Variants in MAGI2 observed in about 807,000 individuals in gnomAD.
The protein encoded by MAGI2 is membrane associated guanylate kinase, WW and PDZ domain containing 2, also known as membrane-associated guanylate kinase, WW and PDZ domain-containing protein 2.
Under a neutral mutation model 133.3 loss-of-function variants are expected in MAGI2, and 35 were observed. The ratio of observed to expected loss-of-function variants is 0.26; its 90% CI spans 0.20 to 0.35. The LOEUF is 0.35. Among genes scored for constraint, MAGI2 ranks in the 10% least tolerant of loss-of-function variants. The pLI, the probability that MAGI2 is intolerant of heterozygous loss-of-function variation, is 1.00. For missense variants in MAGI2, 1,636 were observed against 1,863.4 expected (o/e 0.88, Z 2.25); for synonymous variants, 729 against 710.6 (o/e 1.03, Z -0.41).
intron 3 of MAGI2, among the ~76,000 whole-genome samples, chr7:78,570,443 AG>A (rs1172451041): frequency 1.6e-4 from 25 of 152,286 alleles, no homozygotes; most frequent in African/African-American, 5.8e-4. Flanking sequence ...AAGAGAAGAG[AG>A]AAAGTAAGTT....
At chr7:78,469,557 A>T (rs530290816) in intron 6 of MAGI2, among the ~76,000 whole-genome samples, 60 of 151,646 alleles carry the variant, frequency 4.0e-4, no homozygotes, top group African/African-American at 1.2e-3. Context: ...TAGCCCAGGT[A>T]AAAAAAAAGA....
chr7:79,142,649 T>C (rs573342233), intron 1 of MAGI2, among the ~76,000 whole-genome samples: 51 of 152,312 alleles, frequency 3.3e-4, no homozygotes, highest in South Asian at 3.1e-3. Context: ...TTAAAAGATA[T>C]ATAGGCATTT....
rs529816690 is a variant in MAGI2 at position 78,850,864 on chromosome 7, A to G, written c.418+156226T>C. Among the ~76,000 whole-genome samples the G allele has an allele frequency of 3.2e-4, 48 of 152,284 alleles. 2 individuals are homozygous for G. In the South Asian group the frequency reaches 9.5e-3, roughly 30 times the overall value. ...ATTTCAAAACAACAGCAGCAAGTCT[A>G]CGAACAAAGATACTGAATAGGTAGA... On this transcript the variant is annotated intron_variant, in intron 2 of 21. Coordinates refer to ENST00000354212, the MANE Select transcript of MAGI2 (RefSeq NM_012301.4).
At chr7:78,175,290 G>A (rs1221538663) in intron 14 of MAGI2, among the ~76,000 whole-genome samples, 1 of 152,158 alleles carries the variant, frequency 6.6e-6, no homozygotes, top group Non-Finnish European at 1.5e-5. Flanking sequence ...CCTGTGTTTT[G>A]TTCCAGTCCC....
At chr7:79,439,906 G>A (rs368731309) in intron 1 of MAGI2, among the ~76,000 whole-genome samples, 25 of 152,086 alleles carry the variant, frequency 1.6e-4, no homozygotes, top group South Asian at 4.1e-4. Context: ...ATGCATACAC[G>A]ATTTCCAGTT....
At chr7:79,057,942 C>T (rs1255977958) in intron 1 of MAGI2, among the ~76,000 whole-genome samples, 1 of 145,800 alleles carries the variant, frequency 6.9e-6, no homozygotes, top group Admixed American at 6.9e-5. Context: ...TGTTCCTGCC[C>T]AGAAAGGGGC....
rs188854919 is a variant in MAGI2, at chr7:78,303,236, A to C, written c.1408+40542T>G. Among the ~76,000 whole-genome samples the C allele has an allele frequency of 1.4e-4, 21 of 152,038 alleles. No homozygotes were observed. In the East Asian group the frequency reaches 4.1e-3, roughly 30 times the overall value. ...CTACTAAAAATACAGTAAATCAGCC[A>C]GGCATGGTGGCAGGCATCTGTAATC... On this transcript the variant is annotated intron_variant, in intron 9 of 21. Transcript: ENST00000354212.
At chr7:78,406,904 C>T (rs1417846153) in intron 6 of MAGI2, among the ~76,000 whole-genome samples, 1 of 152,034 alleles carries the variant, frequency 6.6e-6, no homozygotes, top group East Asian at 1.9e-4. Context: ...TTCATTGTCA[C>T]TGTATAAGAT....
At chr7:78,375,218 T>G (rs1794325889) in intron 6 of MAGI2, among the ~76,000 whole-genome samples, 1 of 152,178 alleles carries the variant, frequency 6.6e-6, no homozygotes, top group Non-Finnish European at 1.5e-5. Context: ...TATTTATTTT[T>G]TGTTGTCTTT....
intron 3 of MAGI2, among the ~76,000 whole-genome samples, chr7:78,584,816 T>A (rs189877846): frequency 6.6e-6 from 1 of 152,208 alleles, no homozygotes; most frequent in Non-Finnish European, 1.5e-5. Flanking sequence ...ACTAGCTGTT[T>A]TATTGTTTAA....
intron 3 of MAGI2, among the ~76,000 whole-genome samples, chr7:78,543,667 A>G (rs1223689407): frequency 6.6e-6 from 1 of 152,192 alleles, no homozygotes; most frequent in Non-Finnish European, 1.5e-5. Context: ...CCGTTACTTC[A>G]TGTCACTATG....
At chr7:79,422,588 G>C (rs1324241947) in intron 1 of MAGI2, among the ~76,000 whole-genome samples, 1 of 151,972 alleles carries the variant, frequency 6.6e-6, no homozygotes, top group Non-Finnish European at 1.5e-5. Flanking sequence ...AATTCAGTCA[G>C]ATTTATGGCT....
chr7:79,215,259 T>C (rs1829925588), intron 1 of MAGI2, among the ~76,000 whole-genome samples: 1 of 152,042 alleles, frequency 6.6e-6, no homozygotes. Context: ...AAAGCAGGCC[T>C]TGAAAGAAAT....
intron 1 of MAGI2, among the ~76,000 whole-genome samples, chr7:79,257,743 A>C (rs1414413908): frequency 6.6e-6 from 1 of 152,226 alleles, no homozygotes; most frequent in Non-Finnish European, 1.5e-5. Context: ...ATCAGTACAT[A>C]AAATAATGAT....
chr7:79,406,700 G>A (rs916080957), intron 1 of MAGI2, among the ~76,000 whole-genome samples: 12 of 152,070 alleles, frequency 7.9e-5, no homozygotes, highest in South Asian at 6.2e-4. Context: ...TCCTATATTC[G>A]TCTTTATCTT....
At chr7:79,155,546 G>A (rs73704252) in intron 1 of MAGI2, among the ~76,000 whole-genome samples, 12,716 of 152,132 alleles carry the variant, frequency 0.084, 1,230 homozygotes, top group African/African-American at 0.23. Context: ...TAAGTAGGCT[G>A]CTGGGAAGGT....
chr7:78,272,343 G>A (rs1794662719), intron 9 of MAGI2, among the ~76,000 whole-genome samples: 1 of 152,150 alleles, frequency 6.6e-6, no homozygotes, highest in South Asian at 2.1e-4. Flanking sequence ...ATTTGCTGAG[G>A]AGTGTTTTAC....
At chr7:78,757,404 TA>T (rs562128966) in intron 2 of MAGI2, among the ~76,000 whole-genome samples, 50 of 152,120 alleles carry the variant, frequency 3.3e-4, no homozygotes, top group African/African-American at 9.6e-4. Context: ...TCATTTAGCT[TA>T]AAAAAATTCC....
chr7:79,181,397 TG>T (rs1162376879), intron 1 of MAGI2, among the ~76,000 whole-genome samples: 1 of 151,946 alleles, frequency 6.6e-6, no homozygotes, highest in Non-Finnish European at 1.5e-5. Flanking sequence ...TACCAAGACT[TG>T]GGGCTTGTAT....
Sources: gnomAD v4.1 joint callset for allele counts (sites outside exome capture counted in the v4.1 genomes callset) on GRCh38, gnomAD v4.1.1 for gene constraint, MANE v1.5 for transcripts, NCBI Gene and HGNC (gene_info 2026-07-23, HGNC 2026-07-21) for gene names.